SPTLC3: variants seen among roughly 807,000 people sequenced by gnomAD.
SPTLC3 encodes serine palmitoyltransferase 3.
A neutral mutation model predicts 59.3 loss-of-function variants in SPTLC3; 36 were observed. The ratio of observed to expected loss-of-function variants is 0.61; its 90% CI spans 0.47 to 0.80. The LOEUF (loss-of-function observed/expected upper bound fraction) is 0.80, where lower values mean the gene tolerates loss of function less well. Ranked by LOEUF, SPTLC3 falls within the 30% of genes least tolerant of loss-of-function variation. The probability of loss-of-function intolerance (pLI) is 0.00; values close to 1 mark genes in which losing one functional copy is unlikely to be tolerated. For missense variants in SPTLC3, 625 were observed against 685.1 expected, an observed-to-expected ratio of 0.91 and a Z score of 0.98; for synonymous variants, 257 against 240.8, an observed-to-expected ratio of 1.07 and a Z score of -0.62.
chr20:13,075,149 A>C (rs78359880), intron 4 of SPTLC3, among the ~76,000 whole-genome samples: 1 of 144,008 alleles, frequency 6.9e-6, no homozygotes, highest in South Asian at 2.2e-4. Flanking sequence ...AAAAAAAAAA[A>C]ACCTGTGTAG....
At chr20:13,159,031 A>C (rs1169970092) in intron 10 of SPTLC3, among the ~76,000 whole-genome samples, 1 of 152,252 alleles carries the variant, frequency 6.6e-6, no homozygotes. Flanking sequence ...TTTTCCTGCA[A>C]AGACTAACAG....
intron 1 of SPTLC3, among the ~76,000 whole-genome samples, chr20:13,027,636 A>AGC (rs1297429331): frequency 9.6e-5 from 7 of 72,926 alleles, no homozygotes; most frequent in African/African-American, 3.2e-4. Context: ...AATCTATTTC[A>AGC]GCACGCACAC....
intron 5 of SPTLC3, 85 bp downstream of exon 5, chr20:13,091,292 G>C: frequency 2.6e-6 from 4 of 1,532,884 alleles, no homozygotes; most frequent in Non-Finnish European, 3.5e-6. Flanking sequence ...AAGTATGGCT[G>C]AGATGGGCAC....
At chr20:13,038,853 T>G in intron 1 of SPTLC3, among the ~76,000 whole-genome samples, 1 of 152,130 alleles carries the variant, frequency 6.6e-6, no homozygotes, top group East Asian at 1.9e-4. Flanking sequence ...TCATTTTTAT[T>G]TATCTCAAAG....
chr20:13,163,284 C>T (rs2038929724), intron 11 of SPTLC3, among the ~76,000 whole-genome samples: 1 of 148,678 alleles, frequency 6.7e-6, no homozygotes, highest in Non-Finnish European at 1.5e-5. Context: ...AGGAGAATCA[C>T]TTGAACCCGG....
chr20:13,059,835 A>G (rs945872905), intron 2 of SPTLC3, among the ~76,000 whole-genome samples: 2 of 151,954 alleles, frequency 1.3e-5, no homozygotes, highest in Non-Finnish European at 2.9e-5. Flanking sequence ...CTTTCTTCTA[A>G]CCATCTTAAA....
intron 1 of SPTLC3, among the ~76,000 whole-genome samples, chr20:13,031,768 A>G (rs1986477716): frequency 6.6e-6 from 1 of 152,162 alleles, no homozygotes; most frequent in Admixed American, 6.6e-5. Flanking sequence ...CTGAGATGGA[A>G]AAAGACTAAG....
chr20:13,066,088 G>A (rs1209170765), intron 2 of SPTLC3, among the ~76,000 whole-genome samples: 2 of 152,164 alleles, frequency 1.3e-5, no homozygotes, highest in Non-Finnish European at 2.9e-5. Context: ...CCCCAGGCCT[G>A]GCAACCACCA....
chr20:13,055,695 G>C (rs6041819), intron 2 of SPTLC3, among the ~76,000 whole-genome samples: 1 of 151,760 alleles, frequency 6.6e-6, no homozygotes, highest in African/African-American at 2.4e-5. Context: ...TACACATGAA[G>C]AGTTGTTTCC....
intron 9 of SPTLC3, among the ~76,000 whole-genome samples, chr20:13,142,075 C>T (rs1288622780): frequency 6.6e-6 from 1 of 152,194 alleles, no homozygotes; most frequent in Non-Finnish European, 1.5e-5. Context: ...TGTTCCAGAA[C>T]CTTCTGCCCC....
chr20:13,022,086 C>G (rs576250913), intron 1 of SPTLC3, among the ~76,000 whole-genome samples: 2 of 152,326 alleles, frequency 1.3e-5, no homozygotes, highest in South Asian at 2.1e-4. Context: ...CCTCCTCCCG[C>G]TCTCTAAAAC....
chr20:13,091,358 A>C, intron 5 of SPTLC3, 151 bp downstream of exon 5: 1 of 905,180 alleles, frequency 1.1e-6, no homozygotes, highest in Non-Finnish European at 1.6e-6. Context: ...GCGGATCACG[A>C]GGTCAAGAGA....
rs550768254 is a variant in SPTLC3, at chr20:13,019,288, T to A, written c.117+9904T>A. On this transcript the variant is annotated intron_variant, in intron 1 of 11. Coordinates refer to ENST00000399002, the MANE Select transcript of SPTLC3 (RefSeq NM_018327.4). ...GTCTCATGATTTCTAAATGTTGGCA[T>A]CTAATTTTTAAAAATTCAAATCCTG... Among the ~76,000 whole-genome samples the A allele has an allele frequency of 6.6e-4, 100 of 152,318 alleles. 1 individual carries two copies. Among genetic ancestry groups the A allele is most frequent in the African/African-American group, 2.1e-3 (87 of 41,572 alleles).
intron 4 of SPTLC3, among the ~76,000 whole-genome samples, chr20:13,086,179 A>G (rs1323311701): frequency 1.3e-5 from 2 of 152,220 alleles, no homozygotes; most frequent in East Asian, 3.8e-4. Flanking sequence ...GAATTACCTA[A>G]GTATTTGCAC....
rs142276814 is a variant in SPTLC3 at position 13,085,833 on chromosome 20, C to T, written c.608-5250C>T. ...ATGGCAGCAAATGTGGCACTTGGCA[C>T]ATGAAAATACCACTTAGAGAGCTGA... On this transcript the variant is annotated intron_variant, in intron 4 of 11. Coordinates refer to ENST00000399002, the MANE Select transcript of SPTLC3 (RefSeq NM_018327.4). 8.0e-3 allele frequency among the ~76,000 whole-genome samples: 1,212 copies of T among 152,220 alleles called. 11 individuals carry two copies. Among genetic ancestry groups the T allele is most frequent in the African/African-American group, 0.027 (1,132 of 41,528 alleles).
chr20:13,037,922 A>G (rs1986806583), intron 1 of SPTLC3, among the ~76,000 whole-genome samples: 1 of 152,058 alleles, frequency 6.6e-6, no homozygotes, highest in Non-Finnish European at 1.5e-5. Context: ...GAGACATACC[A>G]GCTCGTGACT....
At chr20:13,142,697 GCTGCTGTTTTAT>G (rs113818437) in intron 9 of SPTLC3, among the ~76,000 whole-genome samples, 1 of 152,216 alleles carries the variant, frequency 6.6e-6, no homozygotes, top group African/African-American at 2.4e-5. Flanking sequence ...GGTGTCAGCA[GCTGCTGTTTTAT>G]CTGGAGCTCA....
chr20:13,013,659 G>T (rs1985370189), intron 1 of SPTLC3, among the ~76,000 whole-genome samples: 1 of 152,138 alleles, frequency 6.6e-6, no homozygotes, highest in Non-Finnish European at 1.5e-5. Context: ...TGTGTCAGGT[G>T]CTGCAGTCAT....
At chr20:13,115,487 T>A (rs78554034) in intron 7 of SPTLC3, among the ~76,000 whole-genome samples, 4 of 152,160 alleles carry the variant, frequency 2.6e-5, no homozygotes, top group African/African-American at 9.7e-5. Flanking sequence ...CTTTGGCTTC[T>A]GTCAAATTCA....
Sources: allele counts gnomAD v4.1 joint callset (sites outside exome capture counted in the v4.1 genomes callset), GRCh38; gene constraint gnomAD v4.1.1; transcripts MANE v1.5; gene names NCBI Gene and HGNC (gene_info 2026-07-23, HGNC 2026-07-21).